The following ZEB2 variants were observed in gnomAD, a reference collection of about 807,000 sequenced individuals.
The protein encoded by ZEB2 is zinc finger E-box binding homeobox 2, also known as zinc finger E-box-binding homeobox 2.
ZEB2 carries 6 observed loss-of-function variants against 99.9 expected under a neutral mutation model. The ratio of observed to expected loss-of-function variants is 0.06; its 90% confidence interval spans 0.03 to 0.12. The LOEUF is 0.12. Among genes scored for constraint, ZEB2 ranks in the 10% least tolerant of loss-of-function variants. The probability of loss-of-function intolerance (pLI) is 1.00; values close to 1 mark genes in which losing one functional copy is unlikely to be tolerated. For missense variants in ZEB2, 969 were observed against 1,502.8 expected (o/e 0.64, Z 5.87); for synonymous variants, 517 against 542.5 (o/e 0.95, Z 0.65).
At chr2:144,410,085 G>A (rs548722186) in intron 4 of ZEB2, among the ~76,000 whole-genome samples, 33 of 151,810 alleles carry the variant, frequency 2.2e-4, no homozygotes, top group Non-Finnish European at 1.6e-4. Context: ...CTAATTTTTC[G>A]TATTTTTAGT....
intron 9 of ZEB2, among the ~76,000 whole-genome samples, chr2:144,393,402 A>T (rs955253530): frequency 3.3e-5 from 5 of 152,270 alleles, no homozygotes; most frequent in African/African-American, 1.2e-4. Flanking sequence ...GTAGACAGAC[A>T]TCACAAACAC....
chr2:144,508,148 C>T (rs990236252), intron 2 of ZEB2, among the ~76,000 whole-genome samples: 1 of 152,182 alleles, frequency 6.6e-6, no homozygotes, highest in African/African-American at 2.4e-5. Flanking sequence ...TCTTGCCAAA[C>T]AACAGTCAAT....
At chr2:144,488,053 C>G (rs1025220374) in intron 2 of ZEB2, among the ~76,000 whole-genome samples, 3 of 152,182 alleles carry the variant, frequency 2.0e-5, no homozygotes, top group Non-Finnish European at 4.4e-5. Context: ...ATGGATGTAT[C>G]TAAAGCCAGG....
intron 4 of ZEB2, among the ~76,000 whole-genome samples, chr2:144,417,792 T>C (rs769091449): frequency 2.0e-5 from 3 of 152,188 alleles, no homozygotes; most frequent in Non-Finnish European, 4.4e-5. Context: ...CTCACAAAAA[T>C]GTAGTGCATA....
At chr2:144,414,575 G>A (rs1703510859) in intron 4 of ZEB2, among the ~76,000 whole-genome samples, 1 of 152,226 alleles carries the variant, frequency 6.6e-6, no homozygotes, top group Admixed American at 6.5e-5. Flanking sequence ...AGGGCAGGGT[G>A]GGGTGGAGTT....
chr2:144,515,515 TAA>T (rs143303701), intron 2 of ZEB2, among the ~76,000 whole-genome samples: 8,925 of 150,378 alleles, frequency 0.059, 307 homozygotes, highest in Non-Finnish European at 0.077. Context: ...AAAATTAAAT[TAA>T]GAGAGAGAGA....
At chr2:144,408,609 C>G (rs902391661) in intron 4 of ZEB2, among the ~76,000 whole-genome samples, 3 of 152,232 alleles carry the variant, frequency 2.0e-5, no homozygotes, top group African/African-American at 7.2e-5. Context: ...GTATCACCAG[C>G]ATGAATCTAA....
rs192339150 is a variant in ZEB2, at chr2:144,432,895, C to A, written c.74-2869G>T. 2.6e-5 allele frequency among the ~76,000 whole-genome samples: 4 copies of A among 152,212 alleles called. No individual in the cohort carries two copies. The East Asian group carries it at 5.8e-4, about 22-fold the overall frequency. ...CTGGTTTTAAATGAGGTTCATTGGG[C>A]AGAATATATTAGGCCAGTGTCTGTT... On this transcript the variant is annotated intron_variant, in intron 2 of 9. Transcript: ENST00000627532.
chr2:144,473,533 G>T (rs1007979161), intron 2 of ZEB2, among the ~76,000 whole-genome samples: 1 of 152,160 alleles, frequency 6.6e-6, no homozygotes, highest in Admixed American at 6.5e-5. Flanking sequence ...AAAGTGCTGG[G>T]ATTGCAGGCA....
intron 3 of ZEB2, 127 bp downstream of exon 3, chr2:144,429,642 A>G (rs1703740301): frequency 6.8e-7 from 1 of 1,466,788 alleles, no homozygotes; most frequent in East Asian, 2.3e-5. Flanking sequence ...TGGTATCTCT[A>G]TTCTGCAAGG....
intron 2 of ZEB2, among the ~76,000 whole-genome samples, chr2:144,481,500 A>C (rs1474078711): frequency 1.3e-5 from 2 of 152,206 alleles, no homozygotes; most frequent in Non-Finnish European, 2.9e-5. Flanking sequence ...GAGACTTCTA[A>C]ATTCTAGAGC....
chr2:144,449,211 G>A (rs931516995), intron 2 of ZEB2, among the ~76,000 whole-genome samples: 1 of 152,192 alleles, frequency 6.6e-6, no homozygotes, highest in African/African-American at 2.4e-5. Flanking sequence ...CTTCTACACT[G>A]CACCTCAGAA....
intron 2 of ZEB2, among the ~76,000 whole-genome samples, chr2:144,472,585 C>T (rs937757052): frequency 6.6e-6 from 1 of 152,066 alleles, no homozygotes; most frequent in African/African-American, 2.4e-5. Context: ...GATGAGGAAG[C>T]TGAGGTGAAG....
chr2:144,397,961 C>T (rs756230866), intron 8 of ZEB2: 39 of 358,970 alleles, frequency 1.1e-4, no homozygotes, highest in Non-Finnish European at 1.8e-4. Context: ...TTTAAAAGCA[C>T]GTGACGGTTA....
At chr2:144,517,522 C>T in intron 1 of ZEB2, 103 bp from the exon 2 acceptor site, 1 of 762,932 alleles carries the variant, frequency 1.3e-6, no homozygotes, top group Non-Finnish European at 2.3e-6. Flanking sequence ...AGCACCCATC[C>T]GCGCCCCCCA....
chr2:144,402,876 T>C (rs150316307), intron 6 of ZEB2, among the ~76,000 whole-genome samples: 11 of 152,338 alleles, frequency 7.2e-5, no homozygotes, highest in Admixed American at 6.5e-4. Context: ...TCTCCTAAAA[T>C]AGTAAAATTC....
At chr2:144,410,871 T>C (rs1044820868) in intron 4 of ZEB2, among the ~76,000 whole-genome samples, 2 of 151,540 alleles carry the variant, frequency 1.3e-5, no homozygotes, top group Admixed American at 1.3e-4. Flanking sequence ...GCAGCAAGTA[T>C]ATGTAAAAAA....
In ZEB2 at chr2:144,399,669, A is replaced by T; in HGVS notation, c.1518T>A (p.Pro506=). ...SQPEEQGVTS[P]NIPPVGLPVV... Reference sequence around the variant, plus strand: ...CCGGAAGACCGACAGGCGGAATATTAGGAGAAGTAACTCCTTGTTCCTCAG... The same window carrying T: ...CCGGAAGACCGACAGGCGGAATATTTGGAGAAGTAACTCCTTGTTCCTCAG... Residue 506 remains proline, a synonymous_variant, in exon 8 of 10, where the codon CCT becomes CCA. Transcript: ENST00000627532. The surrounding 1 kb of genome is among the most constrained non-coding windows in gnomAD (Gnocchi z 5.6). 1 of 1,614,180 alleles carries T rather than the reference A, an allele frequency of 6.2e-7. No individual in the cohort carries two copies. The highest frequency in any genetic ancestry group is 8.5e-7 in the Non-Finnish European group (1 of 1,180,012).
In ZEB2 at chr2:144,400,275, A is replaced by G; in HGVS notation, c.917-5T>C. On this transcript the variant is annotated splice_polypyrimidine_tract_variant and splice_region_variant and intron_variant, in intron 7 of 9. Coordinates refer to ENST00000627532, the MANE Select transcript of ZEB2 (RefSeq NM_014795.4). ...GGCACTCGTAAGGTTTTTCACCTAAAATGATAATTAAAATTACCGTTACAT... is the reference window on the plus strand; with the variant it reads ...GGCACTCGTAAGGTTTTTCACCTAAGATGATAATTAAAATTACCGTTACAT... 1 of 1,606,476 alleles carries G rather than the reference A, an allele frequency of 6.2e-7. No homozygotes were observed. The highest frequency in any genetic ancestry group is 8.5e-7 in the Non-Finnish European group (1 of 1,179,762).
Sources: gnomAD v4.1 joint callset for allele counts (sites outside exome capture counted in the v4.1 genomes callset) on GRCh38, gnomAD v4.1.1 for gene constraint, Gnocchi (gnomAD v3.1) non-coding constraint, MANE v1.5 for transcripts, NCBI Gene and HGNC (gene_info 2026-07-23, HGNC 2026-07-21) for gene names.